The following AGMO variants were observed in gnomAD, a reference collection of about 807,000 sequenced individuals.
AGMO encodes glyceryl-ether monooxygenase.
In AGMO, 75 loss-of-function variants were observed where a neutral mutation model predicts 60.2. The ratio of observed to expected loss-of-function variants is 1.25; its 90% CI spans 1.03 to 1.51. The LOEUF (loss-of-function observed/expected upper bound fraction) is 1.51. Among genes scored for constraint, AGMO ranks in the 40% most tolerant of loss-of-function variants. The probability of loss-of-function intolerance (pLI) is 0.00; values close to 1 mark genes in which losing one functional copy is unlikely to be tolerated. For synonymous variants in AGMO, 261 were observed against 177.1 expected (o/e 1.47, Z -3.76); for missense variants, 763 against 525.5 (o/e 1.45, Z -4.42).
chr7:15,452,287 A>T (rs182555364), intron 3 of AGMO, among the ~76,000 whole-genome samples: 1 of 152,304 alleles, frequency 6.6e-6, no homozygotes, highest in African/African-American at 2.4e-5. Context: ...CTATCAAAAA[A>T]TTGAAAAAAC....
intron 5 of AGMO, among the ~76,000 whole-genome samples, chr7:15,409,067 T>C (rs1050414335): frequency 6.6e-6 from 1 of 151,828 alleles, no homozygotes; most frequent in Admixed American, 6.6e-5. Context: ...TAATGAGACA[T>C]AGACCAGGAG....
chr7:15,309,846 T>C (rs1780718753), intron 12 of AGMO, among the ~76,000 whole-genome samples: 1 of 152,154 alleles, frequency 6.6e-6, no homozygotes, highest in African/African-American at 2.4e-5. Flanking sequence ...TCCCCATCTT[T>C]AATAAATATG....
intron 3 of AGMO, among the ~76,000 whole-genome samples, chr7:15,451,853 G>A (rs1781863841): frequency 2.6e-5 from 4 of 152,096 alleles, no homozygotes; most frequent in Admixed American, 1.3e-4. Context: ...TGGGAAGGAA[G>A]GTACAGAACA....
chr7:15,557,919 G>A (rs1225126875), intron 2 of AGMO, among the ~76,000 whole-genome samples: 2 of 151,948 alleles, frequency 1.3e-5, no homozygotes, highest in African/African-American at 4.8e-5. Context: ...TTTAAGGACT[G>A]TTATGAGTAG....
At chr7:15,413,861 T>C (rs1413304429) in intron 5 of AGMO, among the ~76,000 whole-genome samples, 2 of 152,110 alleles carry the variant, frequency 1.3e-5, no homozygotes, top group East Asian at 3.9e-4. Flanking sequence ...AAAACTTAGG[T>C]TAATGGAAAG....
intron 12 of AGMO, among the ~76,000 whole-genome samples, chr7:15,361,838 C>G (rs1782780264): frequency 6.6e-6 from 1 of 152,116 alleles, no homozygotes; most frequent in Non-Finnish European, 1.5e-5. Context: ...TGCAGACTTA[C>G]TAAGTTTGAC....
chr7:15,357,316 C>G (rs1782577259), intron 12 of AGMO, among the ~76,000 whole-genome samples: 1 of 151,452 alleles, frequency 6.6e-6, no homozygotes, highest in Non-Finnish European at 1.5e-5. Context: ...TTACATTCAT[C>G]TTGTAGCCAG....
intron 8 of AGMO, among the ~76,000 whole-genome samples, chr7:15,389,228 T>C (rs578096707): frequency 6.6e-6 from 1 of 152,166 alleles, no homozygotes; most frequent in Non-Finnish European, 1.5e-5. Flanking sequence ...GAACAGAATC[T>C]GCATTTTAGT....
the AGMO span, among the ~76,000 whole-genome samples, chr7:15,134,028 A>C: frequency 6.6e-6 from 1 of 152,080 alleles, no homozygotes; most frequent in African/African-American, 2.4e-5. Flanking sequence ...TTGAGAACAC[A>C]ATTTCTTAAC....
At chr7:15,215,294 C>T (rs1386905381) in intron 12 of AGMO, among the ~76,000 whole-genome samples, 1 of 152,064 alleles carries the variant, frequency 6.6e-6, no homozygotes, top group African/African-American at 2.4e-5. Flanking sequence ...TTATAATTGG[C>T]TAAATTTCTC....
chr7:15,459,807 G>T (rs1227656617), intron 3 of AGMO, among the ~76,000 whole-genome samples: 1 of 152,032 alleles, frequency 6.6e-6, no homozygotes, highest in Non-Finnish European at 1.5e-5. Context: ...TTCAAGCTAT[G>T]TGAGTAGAAA....
intron 12 of AGMO, among the ~76,000 whole-genome samples, chr7:15,245,375 G>C (rs1310545616): frequency 1.3e-5 from 2 of 152,062 alleles, no homozygotes; most frequent in African/African-American, 4.8e-5. Context: ...GTCTAAATTA[G>C]AGCCTAAGCT....
intron 12 of AGMO, among the ~76,000 whole-genome samples, chr7:15,361,012 T>C (rs1407045401): frequency 6.6e-6 from 1 of 152,186 alleles, no homozygotes; most frequent in African/African-American, 2.4e-5. Context: ...CAGCCAGCTA[T>C]AGCTAGAATA....
At chr7:15,231,320 G>A (rs1782252184) in intron 12 of AGMO, among the ~76,000 whole-genome samples, 4 of 152,138 alleles carry the variant, frequency 2.6e-5, no homozygotes, top group East Asian at 3.9e-4. Flanking sequence ...TTATGAATAC[G>A]ATAGTTTGAT....
intron 5 of AGMO, among the ~76,000 whole-genome samples, chr7:15,395,068 C>A (rs1784315684): frequency 6.6e-6 from 1 of 152,148 alleles, no homozygotes; most frequent in African/African-American, 2.4e-5. Context: ...AATTTGAGAT[C>A]TTCCACCAAC....
At chr7:15,500,136 A>G (rs932866345) in intron 3 of AGMO, among the ~76,000 whole-genome samples, 1 of 151,854 alleles carries the variant, frequency 6.6e-6, no homozygotes, top group Non-Finnish European at 1.5e-5. Context: ...AGAGAAGATT[A>G]AAATTTGTAA....
At chr7:15,279,974 G>A (rs957018805) in intron 12 of AGMO, among the ~76,000 whole-genome samples, 3 of 152,204 alleles carry the variant, frequency 2.0e-5, no homozygotes, top group African/African-American at 7.2e-5. Flanking sequence ...GAAGAAGTCT[G>A]CCAGCTAAAT....
intron 5 of AGMO, among the ~76,000 whole-genome samples, chr7:15,410,283 T>G (rs1178091321): frequency 6.6e-6 from 1 of 151,814 alleles, no homozygotes; most frequent in East Asian, 1.9e-4. Context: ...TAGCAATAGA[T>G]TCTCACAAAT....
chr7:15,506,774 G>C (rs1166857475), intron 3 of AGMO, among the ~76,000 whole-genome samples: 4 of 151,886 alleles, frequency 2.6e-5, no homozygotes, highest in Admixed American at 1.3e-4. Flanking sequence ...CCAGATCTCA[G>C]AAAGTGTGAG....
Sources: gnomAD v4.1 joint callset for allele counts (sites outside exome capture counted in the v4.1 genomes callset) on GRCh38, gnomAD v4.1.1 for gene constraint, MANE v1.5 for transcripts, NCBI Gene and HGNC (gene_info 2026-07-23, HGNC 2026-07-21) for gene names.